The following MORC1 variants were observed in gnomAD, a reference collection of about 807,000 sequenced individuals.
MORC1 encodes the protein MORC family CW-type zinc finger 1, also known as MORC family CW-type zinc finger protein 1.
A neutral mutation model predicts 134.9 loss-of-function variants in MORC1; 59 were observed. That is an observed-to-expected ratio of 0.44 (90% confidence interval 0.35 to 0.54). MORC1 has a LOEUF of 0.54. Among genes scored for constraint, MORC1 ranks in the 20% least tolerant of loss-of-function variants. The pLI is 0.00. For missense variants in MORC1, 947 were observed against 1,134.5 expected, an observed-to-expected ratio of 0.83 and a Z score of 2.37; for synonymous variants, 395 against 391.7, an observed-to-expected ratio of 1.01 and a Z score of -0.10.
chr3:109,060,626 G>C (rs1950058545), intron 11 of MORC1, among the ~76,000 whole-genome samples: 1 of 152,162 alleles, frequency 6.6e-6, no homozygotes, highest in Admixed American at 6.5e-5. Flanking sequence ...AGTGGAAAAT[G>C]GTTGGCAAGT....
intron 17 of MORC1, among the ~76,000 whole-genome samples, chr3:109,008,379 T>C (rs1455315424): frequency 2.6e-5 from 4 of 152,038 alleles, no homozygotes; most frequent in Non-Finnish European, 2.9e-5. Context: ...AGGCCTAGTA[T>C]ATACGATTAT....
intron 17 of MORC1, among the ~76,000 whole-genome samples, chr3:109,007,950 T>C (rs1335060023): frequency 6.6e-6 from 1 of 152,040 alleles, no homozygotes; most frequent in Non-Finnish European, 1.5e-5. Flanking sequence ...TATGTGTGTG[T>C]GTGTGTGTGT....
chr3:109,004,690 G>A, intron 20 of MORC1, 127 bp downstream of exon 20: 1 of 872,220 alleles, frequency 1.1e-6, no homozygotes, highest in South Asian at 1.9e-5. Flanking sequence ...TTGATTACAG[G>A]GTAACAATAT....
rs1330078149 is a variant in MORC1, at chr3:109,094,931, A to G, written c.561T>C (p.Phe187=). The change falls in exon 7 of 28, where the codon TTT becomes TTC. Residue 187 remains phenylalanine (F), a synonymous_variant. Coordinates refer to ENST00000232603, the MANE Select transcript of MORC1 (RefSeq NM_014429.4). ...FKTEAELMQQ[F]DVIYGKCGTL... The stretch of plus-strand genomic sequence containing the variant: ...TACCACATTTTCCATAGATCACATC[A>G]AACTGCTGCATCAATTCTGCTTCAG... The G allele has an allele frequency of 6.3e-7, 1 of 1,578,540 alleles. No homozygotes were observed. The highest frequency in any genetic ancestry group is 2.0e-5 in the Admixed American group (1 of 49,224).
At chr3:109,016,720 C>T (rs1296921038) in intron 17 of MORC1, among the ~76,000 whole-genome samples, 1 of 152,066 alleles carries the variant, frequency 6.6e-6, no homozygotes, top group Admixed American at 6.6e-5. Context: ...AAAAATTAAC[C>T]AGGCATGGTG....
At chr3:109,105,572 G>A (rs116011644) in intron 3 of MORC1, among the ~76,000 whole-genome samples, 4,290 of 151,620 alleles carry the variant, frequency 0.028, 161 homozygotes, top group Admixed American at 0.11. Context: ...TTGGCCACTT[G>A]GGAGGCTGGA....
chr3:109,095,017 C>T lies in MORC1; in HGVS notation c.475G>A (p.Asp159Asn). The T allele has an allele frequency of 1.9e-6, 3 of 1,592,728 alleles. No individual in the cohort carries two copies. The highest frequency in any genetic ancestry group is 1.2e-5 in the South Asian group (1 of 84,190). Residue 159 changes from aspartate (D) to asparagine (N), a missense_variant, in exon 7 of 28, where the codon GAT becomes AAT. Asp to Asn is a conservative substitution (Grantham distance 23). Transcript: ENST00000232603. Reference sequence around the variant, plus strand: ...TCCATTGCAAATTTCTGGGGATCATCTGTGACAGATTCTCTGGTTCTTATT... The same window carrying T: ...TCCATTGCAAATTTCTGGGGATCATTTGTGACAGATTCTCTGGTTCTTATT... ...WLIRTRESVT[D>N]DPQKFAMELS... is the part of the protein sequence containing the mutation.
intron 1 of MORC1, among the ~76,000 whole-genome samples, chr3:109,116,122 T>C (rs1951268176): frequency 1.3e-5 from 2 of 152,178 alleles, no homozygotes. Context: ...CATGCAGGGC[T>C]TCCTAGCCCA....
Position 109,005,073 on chromosome 3 carries a change from G to A in MORC1, c.2010C>T (p.Ser670=). 6.2e-7 allele frequency: 1 copy of A among 1,607,430 alleles called. No homozygotes were observed. Among genetic ancestry groups the A allele is most frequent in the East Asian group, 2.2e-5 (1 of 44,802 alleles). ...GAATAAGAAACAATAATAATACCTGGGATCTCTCAGCTAGTTTGACATTTT... is the reference window on the plus strand; with the variant it reads ...GAATAAGAAACAATAATAATACCTGAGATCTCTCAGCTAGTTTGACATTTT... ...LPENVKLAER[S]QRSQIANITT... The change falls in exon 19 of 28, where the codon TCC becomes TCT. Residue 670 remains serine (S), a synonymous_variant. Transcript: ENST00000232603.
chr3:108,961,600 T>C (rs1443276813), intron 27 of MORC1, among the ~76,000 whole-genome samples: 1 of 152,178 alleles, frequency 6.6e-6, no homozygotes, highest in Non-Finnish European at 1.5e-5. Context: ...CCAGAAACTG[T>C]GAAATAGAAA....
chr3:109,104,401 A>C (rs1409670123), intron 3 of MORC1, among the ~76,000 whole-genome samples: 1 of 152,202 alleles, frequency 6.6e-6, no homozygotes, highest in Admixed American at 6.5e-5. Flanking sequence ...TTGTGAGTGC[A>C]TCTTCATGGG....
At chr3:109,014,762 C>T (rs1948777183) in intron 17 of MORC1, among the ~76,000 whole-genome samples, 1 of 152,146 alleles carries the variant, frequency 6.6e-6, no homozygotes, top group African/African-American at 2.4e-5. Flanking sequence ...CTATAAATTA[C>T]ACTCTTTCAT....
intron 20 of MORC1, 26 bp from the exon 21 acceptor site, chr3:109,000,684 AT>A: frequency 1.3e-6 from 2 of 1,556,964 alleles, no homozygotes; most frequent in Non-Finnish European, 1.8e-6. Context: ...AACAAAAAAA[AT>A]ACAAGGATTA....
chr3:108,972,478 C>T (rs370385420), intron 24 of MORC1, among the ~76,000 whole-genome samples: 3 of 151,992 alleles, frequency 2.0e-5, no homozygotes, highest in Admixed American at 1.3e-4. Flanking sequence ...AGATTCAAAC[C>T]GAAAAGCTGA....
chr3:109,099,575 C>A, intron 5 of MORC1, 109 bp from the exon 6 acceptor site: 1 of 780,616 alleles, frequency 1.3e-6, no homozygotes, highest in East Asian at 3.2e-5. Context: ...TTCCAACACT[C>A]TGTTCTGCTG....
At chr3:109,010,868 T>C (rs997760457) in intron 17 of MORC1, among the ~76,000 whole-genome samples, 1 of 152,208 alleles carries the variant, frequency 6.6e-6, no homozygotes, top group African/African-American at 2.4e-5. Flanking sequence ...AGCTTTCCAC[T>C]GAATGGACAT....
intron 14 of MORC1, among the ~76,000 whole-genome samples, chr3:109,039,395 A>G (rs1949458275): frequency 6.6e-6 from 1 of 152,188 alleles, no homozygotes; most frequent in Non-Finnish European, 1.5e-5. Flanking sequence ...CTGCCTTGCA[A>G]ATTTATCACA....
At chr3:109,026,411 G>T (rs527288742) in intron 17 of MORC1, among the ~76,000 whole-genome samples, 2 of 152,232 alleles carry the variant, frequency 1.3e-5, no homozygotes, top group South Asian at 4.1e-4. Flanking sequence ...GCCCAAATCT[G>T]CTATTCCACC....
In MORC1 at chr3:108,969,047, A is replaced by G. The variant is rs887465396; in HGVS notation, c.2604+622T>C. On this transcript the variant is annotated intron_variant, in intron 26 of 27. Transcript: ENST00000232603. ...GTAGTAGAACTGAAGGGCACTCTGG[A>G]CTCTTTCTCCCCCAGGAAATCCTTA... is the stretch of plus-strand genomic sequence containing the variant. Among the ~76,000 whole-genome samples, 4 of 151,504 alleles carry G rather than the reference A, an allele frequency of 2.6e-5. No homozygotes were observed. The East Asian group carries it at 7.7e-4, about 29-fold the overall frequency.
Sources: gnomAD v4.1 joint callset for allele counts (sites outside exome capture counted in the v4.1 genomes callset) on GRCh38, gnomAD v4.1.1 for gene constraint, MANE v1.5 for transcripts, NCBI Gene and HGNC (gene_info 2026-07-23, HGNC 2026-07-21) for gene names.